Variants in CFAP53 observed in about 807,000 individuals in gnomAD.
The protein encoded by CFAP53 is cilia and flagella associated protein 53.
In CFAP53, 62 loss-of-function variants were observed where a neutral mutation model predicts 59.7. The ratio of observed to expected loss-of-function variants is 1.04; its 90% CI spans 0.85 to 1.28. CFAP53 has a LOEUF of 1.28. CFAP53 is among the 50% of genes most tolerant of loss of function. The pLI, the probability that CFAP53 is intolerant of heterozygous loss-of-function variation, is 0.00. For missense variants in CFAP53, 629 were observed against 615.6 expected (o/e 1.02, Z -0.23); for synonymous variants, 218 against 205.7 (o/e 1.06, Z -0.51).
chr18:50,243,231 G>A, intron 5 of CFAP53, 115 bp from the exon 6 acceptor site: 1 of 706,828 alleles, frequency 1.4e-6, no homozygotes. Flanking sequence ...ACTATGTACT[G>A]AAACATTTAC....
chr18:50,265,901 C>T (rs28735740), intron 1 of CFAP53, among the ~76,000 whole-genome samples: 2,976 of 152,268 alleles, frequency 0.02, 103 homozygotes, highest in African/African-American at 0.069. Context: ...CTTCCTCAGA[C>T]GATTTTCCTA....
intron 7 of CFAP53, among the ~76,000 whole-genome samples, chr18:50,235,177 A>G (rs1356447491): frequency 6.6e-6 from 1 of 152,236 alleles, no homozygotes. Context: ...GGGCCCTCAA[A>G]AAGGAGTTCC....
intron 7 of CFAP53, among the ~76,000 whole-genome samples, chr18:50,228,836 A>G (rs1331787430): frequency 6.6e-6 from 1 of 152,018 alleles, no homozygotes; most frequent in Non-Finnish European, 1.5e-5. Flanking sequence ...AAATTTACAT[A>G]GGTCATACAC....
Position 50,262,081 on chromosome 18 carries a change from T to C in CFAP53, c.208A>G (p.Asn70Asp). The C allele has an allele frequency of 1.2e-6, 2 of 1,614,264 alleles. No individual in the cohort carries two copies. The highest frequency in any genetic ancestry group is 1.1e-5 in the South Asian group (1 of 91,082). ...AGGCTGTCCAAAATCTTGCAGTCAT[T>C]GTGCTGGTCCCACTCAGCTTTCAAG... is the stretch of plus-strand genomic sequence containing the variant. ...DRLKAEWDQHNDCKILDSLVR... is the reference protein window; with the variant it reads ...DRLKAEWDQHDDCKILDSLVR... The change falls in exon 2 of 8, where the codon AAT becomes GAT. Residue 70 changes from asparagine (N) to aspartate (D), a missense_variant. Physicochemically the swap from Asn to Asp is conservative, Grantham distance 23. Coordinates refer to ENST00000398545, the MANE Select transcript of CFAP53 (RefSeq NM_145020.5).
At chr18:50,230,402 C>T (rs981627168) in intron 7 of CFAP53, among the ~76,000 whole-genome samples, 2 of 152,184 alleles carry the variant, frequency 1.3e-5, no homozygotes, top group African/African-American at 4.8e-5. Context: ...CAAGGATGTT[C>T]TGAGGGCATC....
At chr18:50,241,015 C>T (rs1415657785) in intron 6 of CFAP53, among the ~76,000 whole-genome samples, 3 of 152,164 alleles carry the variant, frequency 2.0e-5, no homozygotes, top group Non-Finnish European at 4.4e-5. Flanking sequence ...TAATAAGAGA[C>T]ATAATGTGGC....
chr18:50,239,338 A>G (rs1039023438), intron 6 of CFAP53, among the ~76,000 whole-genome samples: 2 of 151,896 alleles, frequency 1.3e-5, no homozygotes, highest in Non-Finnish European at 2.9e-5. Flanking sequence ...TGGGCAACAG[A>G]GTGAGACGCC....
chr18:50,247,673 T>C (rs1179095091), intron 5 of CFAP53, among the ~76,000 whole-genome samples: 2 of 152,214 alleles, frequency 1.3e-5, no homozygotes, highest in Non-Finnish European at 2.9e-5. Context: ...TGGATAAATC[T>C]TGAAAACATT....
At chr18:50,249,461 G>A (rs1010489696) in intron 5 of CFAP53, among the ~76,000 whole-genome samples, 2 of 150,414 alleles carry the variant, frequency 1.3e-5, no homozygotes, top group African/African-American at 4.9e-5. Flanking sequence ...GAGGCTGCAG[G>A]GAGCTGAGAC....
chr18:50,265,410 T>C (rs2033939690), intron 1 of CFAP53, among the ~76,000 whole-genome samples: 2 of 152,214 alleles, frequency 1.3e-5, no homozygotes, highest in South Asian at 2.1e-4. Context: ...TATTGCATTA[T>C]GTATATGCAA....
intron 6 of CFAP53, among the ~76,000 whole-genome samples, chr18:50,240,351 C>T (rs1289885196): frequency 6.6e-6 from 1 of 152,174 alleles, no homozygotes; most frequent in African/African-American, 2.4e-5. Flanking sequence ...CCTGCTCTGC[C>T]CTCATTCTCT....
At chr18:50,266,249 G>C (rs1390089966) in intron 1 of CFAP53, 87 bp downstream of exon 1, 10 of 1,288,484 alleles carry the variant, frequency 7.8e-6, no homozygotes, top group South Asian at 2.4e-5. Flanking sequence ...GAAGGCCCCG[G>C]GTGGGGGCCG....
At chr18:50,236,099 C>T (rs1461117975) in intron 7 of CFAP53, among the ~76,000 whole-genome samples, 4 of 152,204 alleles carry the variant, frequency 2.6e-5, no homozygotes, top group Non-Finnish European at 5.9e-5. Context: ...TCACAAACTT[C>T]TGCTTAACAT....
At chr18:50,265,423 AT>A (rs1354223407) in intron 1 of CFAP53, among the ~76,000 whole-genome samples, 1 of 152,222 alleles carries the variant, frequency 6.6e-6, no homozygotes, top group African/African-American at 2.4e-5. Context: ...ATATGCAAGT[AT>A]TCCAAAATCC....
intron 7 of CFAP53, among the ~76,000 whole-genome samples, chr18:50,233,665 AC>A (rs1431198605): frequency 4.6e-5 from 7 of 152,270 alleles, no homozygotes; most frequent in Non-Finnish European, 1.0e-4. Flanking sequence ...TTATTCTATC[AC>A]GGCTATTGCC....
Position 50,262,155 on chromosome 18 carries a change from T to C in CFAP53, c.134A>G (p.Gln45Arg), listed in dbSNP as rs758708373. ...GGAAGCCAAAATAGCATTATGCTTCTGATGGCTGCGTCGGATTCTTTCTAG... is the reference window on the plus strand; with the variant it reads ...GGAAGCCAAAATAGCATTATGCTTCCGATGGCTGCGTCGGATTCTTTCTAG... ...HHLERIRRSH[Q>R]KHNAILASIK... is the part of the protein sequence containing the mutation. The change falls in exon 2 of 8, where the codon CAG (glutamine) becomes CGG (arginine). Residue 45 changes from glutamine (Q) to arginine (R), a missense_variant. Physicochemically the swap from Gln to Arg is conservative, Grantham distance 43. Transcript: ENST00000398545. The C allele has an allele frequency of 9.3e-6, 15 of 1,614,258 alleles. No individual in the cohort carries two copies. Among genetic ancestry groups the C allele is most frequent in the South Asian group, 2.2e-5 (2 of 91,086 alleles).
chr18:50,236,370 G>A (rs2033633673), intron 7 of CFAP53, among the ~76,000 whole-genome samples: 1 of 152,144 alleles, frequency 6.6e-6, no homozygotes, highest in African/African-American at 2.4e-5. Flanking sequence ...GCCTAGTTAT[G>A]CGCTTCAGCA....
At chr18:50,262,639 C>T (rs1453492771) in intron 1 of CFAP53, among the ~76,000 whole-genome samples, 8 of 152,170 alleles carry the variant, frequency 5.3e-5, no homozygotes, top group South Asian at 2.1e-4. Context: ...TTATTTCTCA[C>T]GGTTGGACAC....
chr18:50,237,596 G>A (rs1286473456), intron 7 of CFAP53, among the ~76,000 whole-genome samples: 2 of 151,676 alleles, frequency 1.3e-5, no homozygotes, highest in East Asian at 1.9e-4. Context: ...CAGGCCCCAG[G>A]AACAGGGAGG....
Sources: gnomAD v4.1 joint callset for allele counts (sites outside exome capture counted in the v4.1 genomes callset) on GRCh38, gnomAD v4.1.1 for gene constraint, MANE v1.5 for transcripts, NCBI Gene and HGNC (gene_info 2026-07-23, HGNC 2026-07-21) for gene names.